USP25: variants seen among roughly 807,000 people sequenced by gnomAD.
The protein encoded by USP25 is ubiquitin carboxyl-terminal hydrolase 25.
A neutral mutation model predicts 158.5 loss-of-function variants in USP25; 85 were observed. The observed-to-expected ratio is 0.54, with a 90% CI of 0.45 to 0.64. The LOEUF (loss-of-function observed/expected upper bound fraction) is 0.64, where lower values mean the gene tolerates loss of function less well. USP25 is among the 30% of genes least tolerant of loss of function. USP25 has a pLI of 0.00. For missense variants in USP25, 1,242 were observed against 1,327.3 expected (o/e 0.94, Z 1.00); for synonymous variants, 464 against 460.4 (o/e 1.01, Z -0.10).
chr21:15,872,486 G>GC (rs1030116189), intron 23 of USP25, among the ~76,000 whole-genome samples: 2 of 152,134 alleles, frequency 1.3e-5, no homozygotes, highest in Non-Finnish European at 2.9e-5. Context: ...AAACTCAGTA[G>GC]CTATAAAGGA....
At chr21:15,734,251 AAC>A (rs2031263602) in intron 1 of USP25, among the ~76,000 whole-genome samples, 1 of 152,238 alleles carries the variant, frequency 6.6e-6, no homozygotes, top group South Asian at 2.1e-4. Context: ...AAACTTGAAA[AAC>A]AATGCAGACT....
intron 23 of USP25, among the ~76,000 whole-genome samples, chr21:15,872,993 A>AT (rs1357750756): frequency 6.6e-6 from 1 of 152,120 alleles, no homozygotes; most frequent in Non-Finnish European, 1.5e-5. Flanking sequence ...TTAAAATAAT[A>AT]TTTTTTATTT....
At chr21:15,779,720 C>T (rs564958885) in intron 4 of USP25, among the ~76,000 whole-genome samples, 5 of 151,852 alleles carry the variant, frequency 3.3e-5, no homozygotes, top group South Asian at 4.2e-4. Context: ...TCAGATAATG[C>T]TGTTTTTTCA....
At chr21:15,777,106 C>T (rs2034699524) in intron 3 of USP25, among the ~76,000 whole-genome samples, 1 of 152,088 alleles carries the variant, frequency 6.6e-6, no homozygotes, top group Non-Finnish European at 1.5e-5. Flanking sequence ...GATTAAAAGT[C>T]ATTTTTATTG....
Position 15,846,153 on chromosome 21 carries a change from TATATA to T in USP25, c.2338-1509_2338-1505del, listed in dbSNP as rs1300102386. On this transcript the variant is annotated intron_variant, in intron 18 of 25. Coordinates refer to ENST00000400183, the MANE Select transcript of USP25 (RefSeq NM_001283041.3). ...ATATATATATATATATATATATATATATATATTTTTTTTTTTTTTTTTTTTTTGAG... is the reference window on the plus strand; with the variant it reads ...ATATATATATATATATATATATATATTTTTTTTTTTTTTTTTTTTTTTGAG... 6.4e-3 allele frequency among the ~76,000 whole-genome samples: 381 copies of T among 59,684 alleles called. 5 individuals are homozygous for T. Among genetic ancestry groups the T allele is most frequent in the African/African-American group, 0.026 (159 of 6,204 alleles). The allele number at this position is 59,684 out of a possible 152,430, so 39.2% of individuals were successfully genotyped here.
intron 1 of USP25, among the ~76,000 whole-genome samples, chr21:15,760,970 T>C (rs1443710298): frequency 6.6e-6 from 1 of 152,250 alleles, no homozygotes. Flanking sequence ...ACATTTGGTA[T>C]GGGATGCAGT....
chr21:15,739,812 G>A (rs2031870551), intron 1 of USP25, among the ~76,000 whole-genome samples: 1 of 152,192 alleles, frequency 6.6e-6, no homozygotes, highest in Non-Finnish European at 1.5e-5. Flanking sequence ...TATAATGTGA[G>A]CAAGTAGATG....
intron 9 of USP25, among the ~76,000 whole-genome samples, chr21:15,817,435 C>G (rs1262504734): frequency 6.6e-6 from 1 of 152,170 alleles, no homozygotes. Context: ...ACCCACTTCA[C>G]ACAGGGACTT....
intron 23 of USP25, among the ~76,000 whole-genome samples, chr21:15,872,041 ACTTTAAAT>A (rs2039915338): frequency 1.7e-5 from 1 of 58,034 alleles, no homozygotes; most frequent in African/African-American, 8.3e-5. Context: ...TTTTTTTTTT[ACTTTAAAT>A]CTTTAAATAT....
chr21:15,748,470 T>G (rs2123289712), intron 1 of USP25, among the ~76,000 whole-genome samples: 1 of 145,590 alleles, frequency 6.9e-6, no homozygotes, highest in South Asian at 2.2e-4. Flanking sequence ...TTTTTTTTTT[T>G]TTTTTTTTTT....
intron 7 of USP25, 122 bp from the exon 8 acceptor site, chr21:15,808,687 G>T (rs1456514536): frequency 1.6e-6 from 1 of 612,300 alleles, no homozygotes; most frequent in South Asian, 2.6e-5. Context: ...CATTTCACTT[G>T]TTATCTTTGT....
intron 20 of USP25, among the ~76,000 whole-genome samples, chr21:15,858,542 A>G (rs2039269214): frequency 6.6e-6 from 1 of 151,490 alleles, no homozygotes; most frequent in Admixed American, 6.6e-5. Flanking sequence ...AGTTAACTTT[A>G]TTGAACTCTT....
chr21:15,782,036 T>A (rs1164589305), intron 4 of USP25, among the ~76,000 whole-genome samples: 1 of 152,174 alleles, frequency 6.6e-6, no homozygotes, highest in Non-Finnish European at 1.5e-5. Context: ...CACAAGTGCC[T>A]CTAGCACTAA....
chr21:15,795,352 T>C (rs867408760), intron 5 of USP25, among the ~76,000 whole-genome samples: 21 of 151,798 alleles, frequency 1.4e-4, no homozygotes, highest in Middle Eastern at 3.4e-3. Flanking sequence ...GCTACCTTTT[T>C]CCCCTATTTT....
chr21:15,853,592 C>A (rs1480624165), intron 20 of USP25, among the ~76,000 whole-genome samples: 1 of 151,994 alleles, frequency 6.6e-6, no homozygotes, highest in Non-Finnish European at 1.5e-5. Context: ...TATAAATTTT[C>A]CCACTACTTA....
At chr21:15,772,952 A>G (rs2034440633) in intron 3 of USP25, among the ~76,000 whole-genome samples, 1 of 151,820 alleles carries the variant, frequency 6.6e-6, no homozygotes, top group Non-Finnish European at 1.5e-5. Context: ...CCCTGTGAAA[A>G]GAAGCAGTTT....
Position 15,791,588 on chromosome 21 carries a change from A to G in USP25, c.479A>G (p.Asp160Gly), listed in dbSNP as rs1568810290. The change falls in exon 5 of 26, where the codon GAT becomes GGT. Residue 160 changes from aspartate to glycine, a missense_variant. Asp to Gly is a moderately conservative substitution (Grantham distance 94, BLOSUM62 -1). Transcript: ENST00000400183. ...TGGAGGGATTCTCGAAACCCTTATGATAGAAAAAGACAGGACAAAGCTCCC... is the reference window on the plus strand; with the variant it reads ...TGGAGGGATTCTCGAAACCCTTATGGTAGAAAAAGACAGGACAAAGCTCCC... ...EVWRDSRNPY[D>G]RKRQDKAPVG... The G allele has an allele frequency of 6.2e-7, 1 of 1,611,954 alleles. No individual in the cohort carries two copies. Among genetic ancestry groups the G allele is most frequent in the East Asian group, 2.2e-5 (1 of 44,776 alleles).
chr21:15,753,039 A>G (rs1384036297), intron 1 of USP25, among the ~76,000 whole-genome samples: 1 of 152,224 alleles, frequency 6.6e-6, no homozygotes, highest in Non-Finnish European at 1.5e-5. Flanking sequence ...TGTCACAAAT[A>G]AGGAGAATAC....
At chr21:15,862,748 CA>C (rs11308815) in intron 20 of USP25, among the ~76,000 whole-genome samples, 32,708 of 140,290 alleles carry the variant, frequency 0.23, 8,512 homozygotes, top group African/African-American at 0.64. Flanking sequence ...TGTATATCCT[CA>C]AAAAAAAAAA....
Sources: allele counts gnomAD v4.1 joint callset (sites outside exome capture counted in the v4.1 genomes callset), GRCh38; gene constraint gnomAD v4.1.1; transcripts MANE v1.5; gene names NCBI Gene and HGNC (gene_info 2026-07-23, HGNC 2026-07-21).